ANK3: variants seen among roughly 807,000 people sequenced by gnomAD.
ANK3 encodes ankyrin-3.
A neutral mutation model predicts 370.9 loss-of-function variants in ANK3; 57 were observed. The ratio of observed to expected loss-of-function variants is 0.15; its 90% confidence interval spans 0.12 to 0.19. The LOEUF is 0.19. Among genes scored for constraint, ANK3 ranks in the 10% least tolerant of loss-of-function variants. ANK3 has a pLI of 1.00. For synonymous variants in ANK3, 1,929 were observed against 1,946.3 expected (o/e 0.99, Z 0.23); for missense variants, 4,439 against 5,302.1 (o/e 0.84, Z 5.06).
At chr10:60,424,361 A>ACCATCATT (rs1325849542) in intron 2 of ANK3, among the ~76,000 whole-genome samples, 1 of 152,084 alleles carries the variant, frequency 6.6e-6, no homozygotes, top group Admixed American at 6.6e-5. Flanking sequence ...GGAAAAAAAT[A>ACCATCATT]CCAATCAAGT....
chr10:60,133,641 G>A (rs1248077090), intron 25 of ANK3, among the ~76,000 whole-genome samples: 1 of 152,156 alleles, frequency 6.6e-6, no homozygotes, highest in East Asian at 1.9e-4. Flanking sequence ...ACAACATTCA[G>A]GCTGGGTGCG....
At chr10:60,229,429 G>C (rs2097209415) in intron 8 of ANK3, among the ~76,000 whole-genome samples, 1 of 151,980 alleles carries the variant, frequency 6.6e-6, no homozygotes, top group African/African-American at 2.4e-5. Context: ...TTTAACTTTG[G>C]ACAATCACAT....
At chr10:60,301,296 A>T (rs1330815272) in intron 1 of ANK3, among the ~76,000 whole-genome samples, 1 of 150,038 alleles carries the variant, frequency 6.7e-6, no homozygotes, top group Middle Eastern at 3.5e-3. Flanking sequence ...ATATACACAC[A>T]CATACATATA....
chr10:60,254,045 C>T (rs2097702902), intron 7 of ANK3, among the ~76,000 whole-genome samples: 1 of 151,996 alleles, frequency 6.6e-6, no homozygotes, highest in Non-Finnish European at 1.5e-5. Flanking sequence ...CCTGAGGATG[C>T]CAAAACCCAT....
chr10:60,568,361 G>C (rs2077511833), intron 2 of ANK3, among the ~76,000 whole-genome samples: 1 of 152,204 alleles, frequency 6.6e-6, no homozygotes, highest in Non-Finnish European at 1.5e-5. Context: ...AAGACTCGCA[G>C]AAAGTTCAAG....
intron 1 of ANK3, among the ~76,000 whole-genome samples, chr10:60,672,483 C>T (rs1181510954): frequency 1.3e-5 from 2 of 152,156 alleles, no homozygotes; most frequent in Non-Finnish European, 2.9e-5. Context: ...CCCTGAACTA[C>T]AGGGTTTAGG....
intron 1 of ANK3, among the ~76,000 whole-genome samples, chr10:60,336,360 G>C (rs1391318878): frequency 6.6e-6 from 1 of 152,094 alleles, no homozygotes; most frequent in Admixed American, 6.5e-5. Context: ...TTCTCATAAC[G>C]TACCCCTCAA....
intron 2 of ANK3, among the ~76,000 whole-genome samples, chr10:60,520,551 T>G (rs1256975567): frequency 6.6e-6 from 1 of 152,162 alleles, no homozygotes; most frequent in Non-Finnish European, 1.5e-5. Context: ...ATGAAAAAGT[T>G]ACCTTCTAAG....
At chr10:60,061,898 A>T (rs1193079273) in intron 40 of ANK3, 2 of 152,196 alleles carry the variant, frequency 1.3e-5, no homozygotes, top group Non-Finnish European at 2.9e-5. Flanking sequence ...TTGCCAGTTT[A>T]AAAATGGAAT....
intron 1 of ANK3, among the ~76,000 whole-genome samples, chr10:60,714,061 C>T (rs1373854442): frequency 6.6e-6 from 1 of 151,924 alleles, no homozygotes; most frequent in Non-Finnish European, 1.5e-5. Flanking sequence ...GAGGGGCCAC[C>T]ATTATTGATC....
intron 1 of ANK3, among the ~76,000 whole-genome samples, chr10:60,625,614 A>G (rs565139517): frequency 7.5e-4 from 114 of 152,304 alleles, no homozygotes; most frequent in African/African-American, 2.6e-3. Flanking sequence ...TACATCTCTG[A>G]TTATACCTGG....
At chr10:60,726,949 C>A (rs2893861) in intron 1 of ANK3, among the ~76,000 whole-genome samples, 1 of 151,520 alleles carries the variant, frequency 6.6e-6, no homozygotes, top group Non-Finnish European at 1.5e-5. Context: ...TTAAAAAATT[C>A]TCAGATTAAG....
chr10:60,233,543 T>C (rs2097281552), intron 8 of ANK3, among the ~76,000 whole-genome samples: 1 of 152,200 alleles, frequency 6.6e-6, no homozygotes, highest in Non-Finnish European at 1.5e-5. Context: ...GCGATCCTCC[T>C]GCCTCAGCCT....
At chr10:60,547,494 C>G (rs769272848) in intron 2 of ANK3, among the ~76,000 whole-genome samples, 1 of 152,034 alleles carries the variant, frequency 6.6e-6, no homozygotes, top group Non-Finnish European at 1.5e-5. Context: ...CTCCTGGGTT[C>G]AAGCGATTCT....
intron 2 of ANK3, among the ~76,000 whole-genome samples, chr10:60,484,327 G>A (rs1035812269): frequency 3.3e-5 from 5 of 152,114 alleles, no homozygotes; most frequent in Non-Finnish European, 5.9e-5. Context: ...CAAATCTAGG[G>A]TATTCATTAT....
chr10:60,064,365 G>A lies in ANK3; in HGVS notation c.12320-77C>T, dbSNP rs1284642015. 4.3e-6 allele frequency: 6 copies of A among 1,399,182 alleles called. No individual in the cohort carries two copies. The East Asian group carries it at 1.2e-4, about 29-fold the overall frequency. 86.7% of individuals were successfully genotyped at this position (1,399,182 alleles called of 1,614,324 possible). ...CGTTTCATAAAAGTAATGCTCAATT[G>A]CCACAAAAAGAAAAGGGAATTTTAT... On this transcript the variant is annotated intron_variant, in intron 38 of 43. Coordinates refer to ENST00000280772, the MANE Select transcript of ANK3 (RefSeq NM_020987.5).
chr10:60,428,066 C>T (rs1456664081), intron 2 of ANK3, among the ~76,000 whole-genome samples: 1 of 152,070 alleles, frequency 6.6e-6, no homozygotes, highest in East Asian at 1.9e-4. Flanking sequence ...TTATCTTTTC[C>T]CAACTGCTTC....
Position 60,075,600 on chromosome 10 carries a change from C to A in ANK3, c.5281G>T (p.Asp1761Tyr). ...GTAGAAAACACTTTCTCAACTGTGT[C>A]AGTGGCTGCACTGACCACAGAGCTC... ...SVSSVVSAAT[D>Y]TVEKVFSTTT... The change falls in exon 37 of 44, where the codon GAC becomes TAC. Residue 1761 changes from aspartate to tyrosine, a missense_variant. Coordinates refer to ENST00000280772, the MANE Select transcript of ANK3 (RefSeq NM_020987.5). 6.2e-7 allele frequency: 1 copy of A among 1,614,070 alleles called. No individual in the cohort carries two copies. The highest frequency in any genetic ancestry group is 1.1e-5 in the South Asian group (1 of 91,058).
rs545691135 is a variant in ANK3 at position 60,397,958 on chromosome 10, G to A, written c.97-118319C>T. Among the ~76,000 whole-genome samples the A allele has an allele frequency of 9.9e-5, 15 of 152,218 alleles. 1 individual carries two copies. The highest frequency in any genetic ancestry group is 4.1e-4 in the South Asian group (2 of 4,830). ...TTGTTTGTAATACTGTGAGGTATTC[G>A]TTGATTCAGGCAGATTTCATCCTAC... On this transcript the variant is annotated intron_variant, in intron 2 of 43. Coordinates refer to the ANK3 transcript ENST00000373827.
Sources: gnomAD v4.1 joint callset for allele counts (sites outside exome capture counted in the v4.1 genomes callset) on GRCh38, gnomAD v4.1.1 for gene constraint, MANE v1.5 for transcripts, NCBI Gene and HGNC (gene_info 2026-07-23, HGNC 2026-07-21) for gene names.